ATRNL1: variants seen among roughly 807,000 people sequenced by gnomAD.
ATRNL1 encodes the protein attractin like 1.
Under a neutral mutation model 182.7 loss-of-function variants are expected in ATRNL1, and 95 were observed. The observed-to-expected ratio is 0.52, with a 90% CI of 0.44 to 0.62. The LOEUF (loss-of-function observed/expected upper bound fraction) is 0.62, where lower values mean the gene tolerates loss of function less well. Ranked by LOEUF, ATRNL1 falls within the 20% of genes least tolerant of loss-of-function variation. ATRNL1 has a pLI of 0.00. For missense variants in ATRNL1, 1,471 were observed against 1,679.5 expected (o/e 0.88, Z 2.17); for synonymous variants, 576 against 568.3 (o/e 1.01, Z -0.19).
chr10:115,248,512 A>G (rs1554904637), intron 10 of ATRNL1, among the ~76,000 whole-genome samples: 1 of 152,174 alleles, frequency 6.6e-6, no homozygotes, highest in African/African-American at 2.4e-5. Context: ...CTGGGAATCT[A>G]TAAATATAAT....
chr10:115,145,393 T>G (rs1333418340), intron 5 of ATRNL1, among the ~76,000 whole-genome samples: 1 of 152,162 alleles, frequency 6.6e-6, no homozygotes, highest in Admixed American at 6.5e-5. Flanking sequence ...GAGGGCAATT[T>G]GTTTCCATGC....
chr10:115,680,100 C>A (rs1043151304), intron 26 of ATRNL1, among the ~76,000 whole-genome samples: 5 of 152,124 alleles, frequency 3.3e-5, no homozygotes, highest in Non-Finnish European at 5.9e-5. Context: ...TAAGTCAATG[C>A]CACAGAGTTT....
intron 13 of ATRNL1, among the ~76,000 whole-genome samples, chr10:115,275,743 G>C (rs1399844342): frequency 1.3e-5 from 2 of 152,092 alleles, no homozygotes; most frequent in East Asian, 3.9e-4. Flanking sequence ...TTCAATACTG[G>C]TGAAAGGTGT....
rs1350082723 is a variant in ATRNL1 at position 115,727,635 on chromosome 10, G to C, written c.3903+280G>C. 5.9e-5 allele frequency among the ~76,000 whole-genome samples: 9 copies of C among 152,258 alleles called. 1 individual carries two copies. The highest frequency in any genetic ancestry group is 4.1e-4 in the South Asian group (2 of 4,826). ...AGGAGCTGAGGGAATTTAAGATATAGGTATGATCGAAGAAACAAAGCGCCT... is the reference window on the plus strand; with the variant it reads ...AGGAGCTGAGGGAATTTAAGATATACGTATGATCGAAGAAACAAAGCGCCT... On this transcript the variant is annotated intron_variant, in intron 27 of 28. Transcript: ENST00000355044.
rs199659001 is a variant in ATRNL1, at chr10:115,302,048, GTATT to G, written c.2818+9_2818+12del. ...GGCAAACTGCCACCTGCTCCCGTAA[GTATT>G]TATCTAGAGTGACTTTTCACTTGAC... On this transcript the variant is annotated splice_donor_region_variant and intron_variant, in intron 17 of 28. Coordinates refer to ENST00000355044, the MANE Select transcript of ATRNL1 (RefSeq NM_207303.4). 1,277 of 1,605,286 alleles carry G rather than the reference GTATT, an allele frequency of 8.0e-4. 7 individuals are homozygous for G. In the African/African-American group the frequency reaches 0.013, roughly 17 times the overall value.
At chr10:115,886,343 C>T (rs1371222660) in intron 28 of ATRNL1, among the ~76,000 whole-genome samples, 6 of 152,030 alleles carry the variant, frequency 3.9e-5, no homozygotes, top group Non-Finnish European at 8.8e-5. Flanking sequence ...GGAGAAACCC[C>T]GTCTCTACTA....
rs71010046 is a variant in ATRNL1, at chr10:115,738,154, T to TTTTTTTTTC, written c.3903+10801_3903+10802insTTTTTTCTT. The stretch of plus-strand genomic sequence containing the variant: ...TTTTTTTTTTTTTTTTTTTTTTTTT[T>TTTTTTTTTC]TTGAGATGGAGTCCTGCTCTGTCGC... On this transcript the variant is annotated intron_variant, in intron 27 of 28. Transcript: ENST00000355044. Among the ~76,000 whole-genome samples, 206 of 63,882 alleles carry TTTTTTTTTC rather than the reference T, an allele frequency of 3.2e-3. 21 individuals are homozygous for TTTTTTTTTC. Among genetic ancestry groups the TTTTTTTTTC allele is most frequent in the Admixed American group, 5.4e-3 (20 of 3,696 alleles). 41.9% of individuals were successfully genotyped at this position (63,882 alleles called of 152,430 possible).
intron 10 of ATRNL1, among the ~76,000 whole-genome samples, chr10:115,241,974 G>C (rs1161927135): frequency 6.6e-6 from 1 of 151,914 alleles, no homozygotes; most frequent in African/African-American, 2.4e-5. Flanking sequence ...CCTTTTTGAA[G>C]ACTTTTTATG....
intron 26 of ATRNL1, among the ~76,000 whole-genome samples, chr10:115,578,502 T>G (rs1189513906): frequency 2.0e-5 from 3 of 151,652 alleles, no homozygotes; most frequent in Non-Finnish European, 3.0e-5. Flanking sequence ...TCCAGGAATT[T>G]ATTTCCTCTA....
At chr10:115,279,229 A>G (rs1564875500) in intron 13 of ATRNL1, among the ~76,000 whole-genome samples, 1 of 151,754 alleles carries the variant, frequency 6.6e-6, no homozygotes, top group Non-Finnish European at 1.5e-5. Context: ...TAATAATAAT[A>G]AAGACTCTTG....
chr10:115,421,758 A>G (rs1845659933), intron 20 of ATRNL1, among the ~76,000 whole-genome samples: 1 of 152,208 alleles, frequency 6.6e-6, no homozygotes, highest in Non-Finnish European at 1.5e-5. Flanking sequence ...AACAGAAAGA[A>G]TAAAGCTGGG....
chr10:115,163,537 A>T (rs1437430853), intron 6 of ATRNL1, among the ~76,000 whole-genome samples: 2 of 151,380 alleles, frequency 1.3e-5, no homozygotes, highest in African/African-American at 4.9e-5. Flanking sequence ...CTAATTTTTA[A>T]ATTTTTTTGT....
At chr10:115,254,478 G>C (rs1277390942) in intron 10 of ATRNL1, among the ~76,000 whole-genome samples, 3 of 152,048 alleles carry the variant, frequency 2.0e-5, no homozygotes, top group African/African-American at 7.2e-5. Flanking sequence ...CTTTTTGATG[G>C]GGTTGTTTGT....
intron 26 of ATRNL1, among the ~76,000 whole-genome samples, chr10:115,584,976 A>G (rs1259041325): frequency 1.4e-5 from 2 of 147,772 alleles, no homozygotes; most frequent in Non-Finnish European, 3.0e-5. Flanking sequence ...TTCAAAAAAC[A>G]TCTTTATTTC....
intron 26 of ATRNL1, among the ~76,000 whole-genome samples, chr10:115,616,943 A>C (rs537696668): frequency 5.7e-4 from 87 of 152,334 alleles, no homozygotes; most frequent in African/African-American, 2.0e-3. Flanking sequence ...TGGAGCTCCT[A>C]CACAGAGCCC....
At chr10:115,137,380 A>G (rs1164567254) in intron 5 of ATRNL1, among the ~76,000 whole-genome samples, 10 of 152,374 alleles carry the variant, frequency 6.6e-5, no homozygotes, top group African/African-American at 2.4e-4. Context: ...CCATCTACAT[A>G]CCAAATTTCT....
intron 26 of ATRNL1, among the ~76,000 whole-genome samples, chr10:115,678,981 C>G (rs1555043854): frequency 1.3e-5 from 2 of 152,036 alleles, no homozygotes; most frequent in African/African-American, 4.8e-5. Context: ...ACCCTCCATT[C>G]AAAAATGGGA....
At chr10:115,494,463 C>T (rs942389994) in intron 24 of ATRNL1, among the ~76,000 whole-genome samples, 9 of 152,128 alleles carry the variant, frequency 5.9e-5, no homozygotes, top group Admixed American at 2.0e-4. Flanking sequence ...TTCAGCATGA[C>T]GTTGGCTGTG....
At chr10:115,675,651 C>T (rs972574226) in intron 26 of ATRNL1, among the ~76,000 whole-genome samples, 7 of 151,952 alleles carry the variant, frequency 4.6e-5, no homozygotes, top group African/African-American at 7.2e-5. Flanking sequence ...CAAATAAGAA[C>T]GGAAAAATGC....
Sources: gnomAD v4.1 joint callset for allele counts (sites outside exome capture counted in the v4.1 genomes callset) on GRCh38, gnomAD v4.1.1 for gene constraint, MANE v1.5 for transcripts, NCBI Gene and HGNC (gene_info 2026-07-23, HGNC 2026-07-21) for gene names.